The following PPARGC1A variants were observed in gnomAD, a reference collection of about 807,000 sequenced individuals.
The protein encoded by PPARGC1A is PPARG coactivator 1 alpha.
A neutral mutation model predicts 88.7 loss-of-function variants in PPARGC1A; 25 were observed. The observed-to-expected ratio is 0.28, with a 90% CI of 0.21 to 0.39. PPARGC1A has a LOEUF of 0.39. PPARGC1A is among the 10% of genes least tolerant of loss of function. The pLI, the probability that PPARGC1A is intolerant of heterozygous loss-of-function variation, is 1.00. For missense variants in PPARGC1A, 880 were observed against 968.7 expected (o/e 0.91, Z 1.22); for synonymous variants, 363 against 355.6 (o/e 1.02, Z -0.24).
chr4:24,417,297 C>A, the PPARGC1A span, among the ~76,000 whole-genome samples: 1 of 152,160 alleles, frequency 6.6e-6, no homozygotes, highest in African/African-American at 2.4e-5. Context: ...CTTGACTTTT[C>A]TTTTGTAGGG....
the PPARGC1A span, among the ~76,000 whole-genome samples, chr4:24,175,981 G>A: frequency 6.6e-6 from 1 of 151,964 alleles, no homozygotes; most frequent in Admixed American, 6.6e-5. Context: ...CAAACTCTCT[G>A]GGGATTCCAA....
chr4:23,969,409 T>A, the PPARGC1A span, among the ~76,000 whole-genome samples: 1 of 152,172 alleles, frequency 6.6e-6, no homozygotes, highest in Non-Finnish European at 1.5e-5. Context: ...ATCACTAAAC[T>A]GGTAAGTGAT....
At chr4:24,200,882 T>C in the PPARGC1A span, among the ~76,000 whole-genome samples, 1 of 152,344 alleles carries the variant, frequency 6.6e-6, no homozygotes, top group Non-Finnish European at 1.5e-5. Flanking sequence ...TGTATTGAAG[T>C]GACTCTGTTT....
chr4:23,805,574 G>A (rs557858531), intron 10 of PPARGC1A, among the ~76,000 whole-genome samples: 3 of 152,284 alleles, frequency 2.0e-5, no homozygotes, highest in East Asian at 3.9e-4. Flanking sequence ...AGAAATGGAT[G>A]AAGAGGCACA....
At chr4:24,347,635 T>C in the PPARGC1A span, among the ~76,000 whole-genome samples, 1 of 152,182 alleles carries the variant, frequency 6.6e-6, no homozygotes, top group African/African-American at 2.4e-5. Context: ...TTACTTTAAG[T>C]GTATGTGAGT....
chr4:24,409,722 G>C, the PPARGC1A span, among the ~76,000 whole-genome samples: 1 of 152,192 alleles, frequency 6.6e-6, no homozygotes, highest in Non-Finnish European at 1.5e-5. Context: ...CATGTAGGGT[G>C]TGCATGGCTC....
chr4:24,389,512 C>G, the PPARGC1A span, among the ~76,000 whole-genome samples: 1 of 151,960 alleles, frequency 6.6e-6, no homozygotes, highest in Non-Finnish European at 1.5e-5. Context: ...TGAGGTCTTA[C>G]GAATATTAAG....
At chr4:24,246,942 C>G in the PPARGC1A span, among the ~76,000 whole-genome samples, 1 of 152,036 alleles carries the variant, frequency 6.6e-6, no homozygotes, top group Admixed American at 6.5e-5. Context: ...GTGTGCTTAT[C>G]AAAAGCAAAG....
chr4:24,376,176 G>A, the PPARGC1A span, among the ~76,000 whole-genome samples: 148,429 of 152,324 alleles, frequency 0.97, 72,441 homozygotes, highest in East Asian at 1. Flanking sequence ...GAAGTGTGAT[G>A]CATAGTTTCT....
At chr4:24,265,212 T>C in the PPARGC1A span, among the ~76,000 whole-genome samples, 1 of 152,210 alleles carries the variant, frequency 6.6e-6, no homozygotes, top group Non-Finnish European at 1.5e-5. Flanking sequence ...GTGGCTTTCA[T>C]TGAAAAGGCA....
chr4:23,857,933 G>A (rs537260698), intron 2 of PPARGC1A, among the ~76,000 whole-genome samples: 1 of 151,464 alleles, frequency 6.6e-6, no homozygotes, highest in Non-Finnish European at 1.5e-5. Flanking sequence ...GAGGAAGCTA[G>A]AGTTGATTCT....
At chr4:24,385,356 T>C in the PPARGC1A span, among the ~76,000 whole-genome samples, 3 of 151,886 alleles carry the variant, frequency 2.0e-5, no homozygotes, top group Non-Finnish European at 2.9e-5. Flanking sequence ...AGCAAACAAA[T>C]TCAAAAGCTA....
chr4:24,361,135 G>A, the PPARGC1A span, among the ~76,000 whole-genome samples: 1 of 152,136 alleles, frequency 6.6e-6, no homozygotes, highest in Non-Finnish European at 1.5e-5. Flanking sequence ...AACAGCAGAG[G>A]GGCAGGGACA....
chr4:24,062,357 C>T, the PPARGC1A span, among the ~76,000 whole-genome samples: 9 of 152,122 alleles, frequency 5.9e-5, no homozygotes, highest in African/African-American at 7.2e-5. Context: ...TTTGTTTACC[C>T]GTAAATGAAC....
intron 4 of PPARGC1A, 45 bp downstream of exon 4, chr4:23,829,418 A>G (rs749728962): frequency 6.3e-7 from 1 of 1,599,690 alleles, no homozygotes; most frequent in South Asian, 1.1e-5. Context: ...TCAAGCCAAA[A>G]TCCTTTGGTA....
the PPARGC1A span, among the ~76,000 whole-genome samples, chr4:24,188,180 G>A: frequency 6.6e-6 from 1 of 151,650 alleles, no homozygotes; most frequent in Non-Finnish European, 1.5e-5. Flanking sequence ...AAGACACTGT[G>A]AGCAGGGGGA....
At chr4:23,844,786 AATAATATATGATATATATTATT>A (rs1577483944) in intron 2 of PPARGC1A, among the ~76,000 whole-genome samples, 84 of 20,668 alleles carry the variant, frequency 4.1e-3, no homozygotes, top group Middle Eastern at 0.038. Flanking sequence ...TATATATTAT[AATAATATATGATATATATTATT>A]ATAATATATG....
chr4:24,257,771 C>A, the PPARGC1A span, among the ~76,000 whole-genome samples: 2 of 152,198 alleles, frequency 1.3e-5, no homozygotes, highest in African/African-American at 4.8e-5. Flanking sequence ...TGGAAACATT[C>A]ATTCTCTCCC....
the PPARGC1A span, among the ~76,000 whole-genome samples, chr4:24,051,103 G>T: frequency 7.3e-6 from 1 of 137,062 alleles, no homozygotes; most frequent in Non-Finnish European, 1.5e-5. Flanking sequence ...CAGGAGAATG[G>T]CATGAACCCA....
Sources: gnomAD v4.1 joint callset for allele counts (sites outside exome capture counted in the v4.1 genomes callset) on GRCh38, gnomAD v4.1.1 for gene constraint, MANE v1.5 for transcripts, NCBI Gene and HGNC (gene_info 2026-07-23, HGNC 2026-07-21) for gene names.